ADAMTSL1: variants seen among roughly 807,000 people sequenced by gnomAD.
ADAMTSL1 encodes ADAMTS like 1.
ADAMTSL1 carries 126 observed loss-of-function variants against 201.8 expected under a neutral mutation model. That is an observed-to-expected ratio of 0.62 (90% CI 0.54 to 0.72). ADAMTSL1 has a LOEUF of 0.72. Ranked by LOEUF, ADAMTSL1 falls within the 30% of genes least tolerant of loss-of-function variation. ADAMTSL1 has a pLI of 0.00. For synonymous variants in ADAMTSL1, 1,121 were observed against 903.4 expected (o/e 1.24, Z -4.32); for missense variants, 2,679 against 2,277.8 (o/e 1.18, Z -3.59).
chr9:18,452,309 T>G (rs1407408767), intron 2 of ADAMTSL1, among the ~76,000 whole-genome samples: 1 of 152,202 alleles, frequency 6.6e-6, no homozygotes, highest in African/African-American at 2.4e-5. Context: ...CTTCATGACC[T>G]AATCACCTCT....
chr9:18,449,988 C>A (rs548776290), intron 2 of ADAMTSL1, among the ~76,000 whole-genome samples: 1 of 152,226 alleles, frequency 6.6e-6, no homozygotes, highest in South Asian at 2.1e-4. Context: ...GTTAAATATA[C>A]ACCTAGCATA....
chr9:18,010,048 C>T (rs1819988646), intron 1 of ADAMTSL1, among the ~76,000 whole-genome samples: 1 of 152,034 alleles, frequency 6.6e-6, no homozygotes, highest in East Asian at 1.9e-4. Flanking sequence ...AATGCTTTCT[C>T]ATCCCACAAC....
At chr9:18,355,042 T>C (rs1051218377) in intron 2 of ADAMTSL1, among the ~76,000 whole-genome samples, 4 of 152,128 alleles carry the variant, frequency 2.6e-5, no homozygotes, top group South Asian at 2.1e-4. Flanking sequence ...ATTGCCCCTC[T>C]GTCCTTCATG....
chr9:18,772,568 A>G (rs981298024), intron 17 of ADAMTSL1, among the ~76,000 whole-genome samples: 1 of 152,218 alleles, frequency 6.6e-6, no homozygotes, highest in African/African-American at 2.4e-5. Flanking sequence ...TGGGCTAATT[A>G]TTTAACCTTT....
intron 1 of ADAMTSL1, among the ~76,000 whole-genome samples, chr9:18,499,391 C>T (rs147459943): frequency 0.01 from 1,566 of 152,290 alleles, 20 homozygotes; most frequent in African/African-American, 0.03. Flanking sequence ...CAGTTGGCGG[C>T]AGAACCAGTA....
chr9:17,995,424 C>CA (rs1183354494), intron 1 of ADAMTSL1, among the ~76,000 whole-genome samples: 2 of 152,092 alleles, frequency 1.3e-5, no homozygotes, highest in African/African-American at 4.8e-5. Flanking sequence ...TAGTGAAATG[C>CA]AAGGCAAGTA....
chr9:17,950,017 C>A (rs1000436382), intron 1 of ADAMTSL1, among the ~76,000 whole-genome samples: 1 of 152,052 alleles, frequency 6.6e-6, no homozygotes, highest in Non-Finnish European at 1.5e-5. Flanking sequence ...CTCCCGGGTT[C>A]AAGTGATTCT....
intron 3 of ADAMTSL1, among the ~76,000 whole-genome samples, chr9:18,559,849 C>G (rs561736543): frequency 5.3e-5 from 8 of 152,238 alleles, no homozygotes; most frequent in Non-Finnish European, 7.4e-5. Flanking sequence ...GATTTTTGTA[C>G]ATTGATTTTG....
chr9:18,734,279 T>A (rs1818387603), intron 15 of ADAMTSL1, among the ~76,000 whole-genome samples: 1 of 152,172 alleles, frequency 6.6e-6, no homozygotes. Flanking sequence ...AGTCCTTGAT[T>A]GGAGGATGTA....
chr9:18,283,453 A>G (rs1298915287), intron 2 of ADAMTSL1, among the ~76,000 whole-genome samples: 1 of 151,816 alleles, frequency 6.6e-6, no homozygotes, highest in African/African-American at 2.4e-5. Flanking sequence ...GAAAATTTTA[A>G]AAGTTAACTG....
At chr9:18,040,454 G>C (rs1289011545) in intron 1 of ADAMTSL1, among the ~76,000 whole-genome samples, 1 of 152,166 alleles carries the variant, frequency 6.6e-6, no homozygotes, top group African/African-American at 2.4e-5. Flanking sequence ...TGCATGCAAG[G>C]TGCATAAAAC....
chr9:18,002,629 G>C (rs16936201), intron 1 of ADAMTSL1, among the ~76,000 whole-genome samples: 13,325 of 152,004 alleles, frequency 0.088, 619 homozygotes, highest in African/African-American at 0.12. Context: ...GCTTTGATGA[G>C]TTTGGGAATG....
At chr9:18,088,309 A>G (rs73420845) in intron 1 of ADAMTSL1, among the ~76,000 whole-genome samples, 9,928 of 152,226 alleles carry the variant, frequency 0.065, 548 homozygotes, top group African/African-American at 0.15. Context: ...GAAAACATAG[A>G]GGAAAGTCTT....
chr9:18,723,203 C>T, intron 15 of ADAMTSL1: 1 of 686,300 alleles, frequency 1.5e-6, no homozygotes, highest in South Asian at 1.6e-5. Context: ...GACTTGCTCA[C>T]ATGTCCCATG....
intron 1 of ADAMTSL1, among the ~76,000 whole-genome samples, chr9:18,018,484 G>T (rs1346996342): frequency 2.0e-5 from 3 of 152,020 alleles, no homozygotes; most frequent in Admixed American, 6.6e-5. Context: ...TATGGCTATG[G>T]AATGTCACCA....
Position 18,826,179 on chromosome 9 carries a change from G to A in ADAMTSL1, c.3935-105G>A, listed in dbSNP as rs1824542744. On this transcript the variant is annotated intron_variant, in intron 21 of 28. Coordinates refer to ENST00000380548, the MANE Select transcript of ADAMTSL1 (RefSeq NM_001040272.6). ...GCCTGGTAGAAGATGTCCCTGTAGA[G>A]CAGCCCCAGGGAAGGGGGATTCAAG... The A allele has an allele frequency of 4.5e-6, 6 of 1,342,184 alleles. No homozygotes were observed. The Admixed American group carries it at 6.3e-5, about 14-fold the overall frequency. The allele number at this position is 1,342,184 out of a possible 1,614,324, so 83.1% of individuals were successfully genotyped here.
At chr9:18,864,983 C>T (rs977698822) in intron 23 of ADAMTSL1, among the ~76,000 whole-genome samples, 1 of 151,974 alleles carries the variant, frequency 6.6e-6, no homozygotes, top group Admixed American at 6.6e-5. Context: ...AAAAAAAAAT[C>T]AATCACACAT....
chr9:18,255,014 C>T (rs1563838064), intron 2 of ADAMTSL1, among the ~76,000 whole-genome samples: 1 of 152,124 alleles, frequency 6.6e-6, no homozygotes, highest in African/African-American at 2.4e-5. Context: ...TGTGACCTTA[C>T]TGGATTTGCA....
chr9:18,888,003 G>C lies in ADAMTSL1; in HGVS notation c.4422G>C (p.Glu1474Asp). Reference sequence around the variant, plus strand: ...AATTCAGCTGCCTTGCTCAGAATGAGGCAGGGGTGCTCATGCAGAAGGCAT... The same window carrying C: ...AATTCAGCTGCCTTGCTCAGAATGACGCAGGGGTGCTCATGCAGAAGGCAT... ...QGEFSCLAQN[E>D]AGVLMQKASL... Residue 1474 changes from glutamate (E) to aspartate (D), a missense_variant, in exon 24 of 29, where the codon GAG (glutamate) becomes GAC (aspartate). By Grantham distance (45) the Glu-to-Asp change is conservative. Transcript: ENST00000380548. 6.2e-7 allele frequency: 1 copy of C among 1,613,836 alleles called. No individual in the cohort carries two copies. Among genetic ancestry groups the C allele is most frequent in the Non-Finnish European group, 8.5e-7 (1 of 1,179,880 alleles).
Sources: allele counts gnomAD v4.1 joint callset (sites outside exome capture counted in the v4.1 genomes callset), GRCh38; gene constraint gnomAD v4.1.1; transcripts MANE v1.5; gene names NCBI Gene and HGNC (gene_info 2026-07-23, HGNC 2026-07-21).